Variants in FREM2 observed in about 807,000 individuals in gnomAD.
FREM2 encodes FRAS1 related extracellular matrix 2, also known as FRAS1-related extracellular matrix protein 2.
A neutral mutation model predicts 219.9 loss-of-function variants in FREM2; 119 were observed. The ratio of observed to expected loss-of-function variants is 0.54; its 90% CI spans 0.47 to 0.63. FREM2 has a LOEUF of 0.63. Ranked by LOEUF, FREM2 falls within the 30% of genes least tolerant of loss-of-function variation. The pLI, the probability that FREM2 is intolerant of heterozygous loss-of-function variation, is 0.00. For missense variants in FREM2, 4,030 were observed against 3,993.6 expected (o/e 1.01, Z -0.25); for synonymous variants, 1,562 against 1,522.8 (o/e 1.03, Z -0.60).
chr13:38,695,831 C>A (rs1432388888), intron 1 of FREM2, among the ~76,000 whole-genome samples: 1 of 152,182 alleles, frequency 6.6e-6, no homozygotes, highest in African/African-American at 2.4e-5. Context: ...TCTACCTACT[C>A]AGCCTTTTCA....
intron 6 of FREM2, among the ~76,000 whole-genome samples, chr13:38,808,820 C>T (rs899403899): frequency 5.3e-5 from 8 of 151,846 alleles, no homozygotes; most frequent in Non-Finnish European, 2.9e-5. Context: ...AAAGTGAGAG[C>T]ACATGCTGTT....
At chr13:38,812,916 C>CA (rs370609021) in intron 6 of FREM2, among the ~76,000 whole-genome samples, 2,672 of 137,652 alleles carry the variant, frequency 0.019, 70 homozygotes, top group African/African-American at 0.063. Flanking sequence ...GAAAAACAAG[C>CA]AAAAAAAAAA....
intron 6 of FREM2, among the ~76,000 whole-genome samples, chr13:38,822,732 G>A (rs1876116739): frequency 6.6e-6 from 1 of 152,058 alleles, no homozygotes; most frequent in Non-Finnish European, 1.5e-5. Context: ...TATCTAAATA[G>A]TAATATGTAT....
chr13:38,722,361 A>AAT (rs10689108), intron 2 of FREM2, among the ~76,000 whole-genome samples: 15,070 of 149,802 alleles, frequency 0.1, 762 homozygotes, highest in South Asian at 0.19. Context: ...CGTCCAGCCC[A>AAT]ATATATATAT....
chr13:38,739,387 G>T (rs1337692432), intron 2 of FREM2, among the ~76,000 whole-genome samples: 10 of 152,146 alleles, frequency 6.6e-5, no homozygotes, highest in Non-Finnish European at 1.5e-4. Flanking sequence ...AAGGAACCAG[G>T]AGTGATTATG....
chr13:38,843,987 G>A (rs373311519), intron 6 of FREM2, among the ~76,000 whole-genome samples: 7 of 151,850 alleles, frequency 4.6e-5, no homozygotes, highest in East Asian at 3.9e-4. Flanking sequence ...TATTTGACCA[G>A]TTTTTCAATC....
chr13:38,689,438 C>T lies in FREM2; in HGVS notation c.2094C>T (p.Arg698=), dbSNP rs748225847. The stretch of plus-strand genomic sequence containing the variant: ...TGATTCGTATCCATCCTGTGGATCG[C>T]CTCCCTCCGGAGCTGGGCAGTGGCT... ...RFVIRIHPVD[R]LPPELGSGCP... The change falls in exon 1 of 24, where the codon CGC becomes CGT. Residue 698 remains arginine, a synonymous_variant. Transcript: ENST00000280481. 14 of 1,613,906 alleles carry T rather than the reference C, an allele frequency of 8.7e-6. No homozygotes were observed. The South Asian group carries it at 1.5e-4, about 18-fold the overall frequency.
At position 38,882,355 on chromosome 13, in the gene FREM2, A is replaced by G. The variant is rs1413225742; in HGVS notation, c.*1568A>G. On this transcript the variant is annotated 3_prime_UTR_variant, in exon 24 of 24. Coordinates refer to ENST00000280481, the MANE Select transcript of FREM2 (RefSeq NM_207361.6). ...CCACATTGGACATCTTGGTCACTGC[A>G]GAATTTTAAAAGGCAAACTTCTCAG... The G allele has an allele frequency of 6.6e-6, 1 of 152,218 alleles. No individual in the cohort carries two copies. Among genetic ancestry groups the G allele is most frequent in the East Asian group, 1.9e-4 (1 of 5,196 alleles). The allele number at this position is 152,218 out of a possible 1,614,324, so 9.4% of individuals were successfully genotyped here. A position where few individuals can be genotyped will look rare whatever the true frequency, so the allele number is the denominator to read the frequency against.
At chr13:38,862,897 T>C (rs2137924049) in intron 15 of FREM2, among the ~76,000 whole-genome samples, 1 of 152,322 alleles carries the variant, frequency 6.6e-6, no homozygotes, top group Non-Finnish European at 1.5e-5. Flanking sequence ...TGTTTCTTCT[T>C]TCACATAGTA....
intron 10 of FREM2, 62 bp downstream of exon 10, chr13:38,851,170 G>A: frequency 6.4e-7 from 1 of 1,559,312 alleles, no homozygotes; most frequent in Non-Finnish European, 8.7e-7. Context: ...GCCAAGTCAA[G>A]GTTTTAAGTG....
chr13:38,780,431 A>G (rs1229649633), intron 4 of FREM2, among the ~76,000 whole-genome samples: 3 of 152,146 alleles, frequency 2.0e-5, no homozygotes, highest in South Asian at 2.1e-4. Context: ...GCCTGGTCCA[A>G]GCTTCTATGA....
At chr13:38,774,056 A>T (rs892718547) in intron 4 of FREM2, among the ~76,000 whole-genome samples, 1 of 151,658 alleles carries the variant, frequency 6.6e-6, no homozygotes, top group Non-Finnish European at 1.5e-5. Flanking sequence ...CTTTCCCCTG[A>T]GTTATGTTCT....
intron 4 of FREM2, among the ~76,000 whole-genome samples, chr13:38,778,323 G>A (rs972413905): frequency 1.3e-4 from 20 of 152,206 alleles, no homozygotes; most frequent in South Asian, 1.2e-3. Flanking sequence ...TTTGGTTCCC[G>A]GTGAGGGGCC....
At chr13:38,861,173 C>T (rs1237728172) in intron 14 of FREM2, among the ~76,000 whole-genome samples, 3 of 152,112 alleles carry the variant, frequency 2.0e-5, no homozygotes, top group African/African-American at 7.2e-5. Context: ...CATTAAGTTA[C>T]ATTGAATGGT....
intron 6 of FREM2, among the ~76,000 whole-genome samples, chr13:38,843,024 T>A (rs1435389479): frequency 6.6e-6 from 1 of 152,188 alleles, no homozygotes; most frequent in Non-Finnish European, 1.5e-5. Context: ...AGTGTAGAGT[T>A]TGGCTTCCCT....
At chr13:38,855,217 G>A (rs1877511619) in intron 11 of FREM2, among the ~76,000 whole-genome samples, 1 of 151,618 alleles carries the variant, frequency 6.6e-6, no homozygotes, top group Non-Finnish European at 1.5e-5. Flanking sequence ...AGGGTGAAGG[G>A]AAAAAAATCA....
chr13:38,822,862 G>T (rs1477123071), intron 6 of FREM2, among the ~76,000 whole-genome samples: 1 of 134,298 alleles, frequency 7.4e-6, no homozygotes, highest in Non-Finnish European at 1.5e-5. Flanking sequence ...TCTCTGTGAA[G>T]AAGGAAACTT....
intron 4 of FREM2, among the ~76,000 whole-genome samples, chr13:38,773,765 G>A (rs1417501789): frequency 6.6e-6 from 1 of 152,000 alleles, no homozygotes; most frequent in Admixed American, 6.6e-5. Context: ...AGTTCCAACT[G>A]GGAAGGGTTT....
At chr13:38,789,217 T>C (rs1874454827) in intron 6 of FREM2, among the ~76,000 whole-genome samples, 1 of 151,992 alleles carries the variant, frequency 6.6e-6, no homozygotes, top group South Asian at 2.1e-4. Flanking sequence ...GGTAAAATTA[T>C]AAATCTGCCT....
Sources: gnomAD v4.1 joint callset for allele counts (sites outside exome capture counted in the v4.1 genomes callset) on GRCh38, gnomAD v4.1.1 for gene constraint, MANE v1.5 for transcripts, NCBI Gene and HGNC (gene_info 2026-07-23, HGNC 2026-07-21) for gene names.